The following CD163L1 variants were observed in gnomAD, a reference collection of about 807,000 sequenced individuals.
CD163L1 encodes scavenger receptor cysteine-rich type 1 protein M160.
In CD163L1, 124 loss-of-function variants were observed where a neutral mutation model predicts 165.4. That is an observed-to-expected ratio of 0.75 (90% CI 0.65 to 0.87). The LOEUF (loss-of-function observed/expected upper bound fraction) is 0.87, where lower values mean the gene tolerates loss of function less well. Ranked by LOEUF, CD163L1 falls within the 40% of genes least tolerant of loss-of-function variation. The pLI, the probability that CD163L1 is intolerant of heterozygous loss-of-function variation, is 0.00. For synonymous variants in CD163L1, 585 were observed against 662.2 expected (o/e 0.88, Z 1.79); for missense variants, 1,525 against 1,799.9 (o/e 0.85, Z 2.76).
chr12:7,414,200 T>C (rs1236682428), intron 4 of CD163L1, among the ~76,000 whole-genome samples: 1 of 152,006 alleles, frequency 6.6e-6, no homozygotes, highest in Non-Finnish European at 1.5e-5. Flanking sequence ...AAAGAGAACA[T>C]AGATAGGCAA....
the CD163L1 span, chr12:7,323,623 C>T: frequency 1.9e-5 from 27 of 1,425,286 alleles, no homozygotes; most frequent in East Asian, 1.4e-4. Context: ...TCATTTCCAC[C>T]GTGTCTTGCT....
In CD163L1 at chr12:7,375,859, A is replaced by G; in HGVS notation, c.2527T>C (p.Ser843Pro). 2 of 1,614,188 alleles carry G rather than the reference A, an allele frequency of 1.2e-6. No homozygotes were observed. The highest frequency in any genetic ancestry group is 1.7e-6 in the Non-Finnish European group (2 of 1,180,032). Residue 843 changes from serine (S) to proline (P), a missense_variant, in exon 10 of 20, where the codon TCT (serine) becomes CCT (proline). Coordinates refer to ENST00000313599, the MANE Select transcript of CD163L1 (RefSeq NM_174941.6). Reference protein sequence around the residue: ...CRELNCGDAISLSVGDHFGKG... With the variant: ...CRELNCGDAIPLSVGDHFGKG... ...CCAAAGTGATCTCCCACAGAAAGAG[A>G]TATGGCATCTCCACAGTTTAATTCT...
chr12:7,378,052 T>C (rs1947308775), intron 9 of CD163L1, among the ~76,000 whole-genome samples: 1 of 152,124 alleles, frequency 6.6e-6, no homozygotes, highest in African/African-American at 2.4e-5. Context: ...ACATACAAAA[T>C]TGGACTCATC....
downstream of CD163L1, among the ~76,000 whole-genome samples, chr12:7,351,016 A>T (rs969917772): frequency 5.9e-5 from 9 of 152,136 alleles, no homozygotes; most frequent in African/African-American, 1.9e-4. Context: ...TTGTTTCAAT[A>T]ATATTATTTG....
chr12:7,367,373 G>T, intron 17 of CD163L1, 42 bp from the exon 18 acceptor site: 1 of 1,338,294 alleles, frequency 7.5e-7, no homozygotes, highest in Non-Finnish European at 1.1e-6. Flanking sequence ...AATTCAAATG[G>T]CCTATCCCTT....
At chr12:7,429,971 C>T (rs185410885) in intron 4 of CD163L1, among the ~76,000 whole-genome samples, 1 of 152,316 alleles carries the variant, frequency 6.6e-6, no homozygotes, top group African/African-American at 2.4e-5. Flanking sequence ...CAACCTTCCT[C>T]ATTAAGTTAT....
In CD163L1 at chr12:7,369,445, T is replaced by C. The variant is rs370119256; in HGVS notation, c.3951A>G (p.Gly1317=). The change falls in exon 15 of 20, where the codon GGA becomes GGG. Residue 1317 remains glycine (G), a synonymous_variant. Coordinates refer to ENST00000313599, the MANE Select transcript of CD163L1 (RefSeq NM_174941.6). The surrounding 1 kb of genome is among the most constrained non-coding windows in gnomAD (Gnocchi z 4.9). ...TIWLDDMRCK[G]NESFLWDCHA... is the part of the protein sequence containing the mutation. ...GACAGTCCCATAGAAATGACTCATT[T>C]CCTTTGCACCGCATGTCATCCAACC... The C allele has an allele frequency of 6.2e-7, 1 of 1,614,160 alleles. No individual in the cohort carries two copies. Among genetic ancestry groups the C allele is most frequent in the Non-Finnish European group, 8.5e-7 (1 of 1,180,034 alleles).
intron 19 of CD163L1, among the ~76,000 whole-genome samples, chr12:7,355,807 T>C (rs772738079): frequency 3.3e-5 from 5 of 152,080 alleles, no homozygotes; most frequent in Non-Finnish European, 7.4e-5. Context: ...TCTGAGGGCA[T>C]AACAAGAAGA....
downstream of CD163L1, among the ~76,000 whole-genome samples, chr12:7,352,660 A>T (rs1946715547): frequency 6.6e-6 from 1 of 152,128 alleles, no homozygotes; most frequent in South Asian, 2.1e-4. Flanking sequence ...ACTAAGCTAG[A>T]CAGATAGAGG....
chr12:7,416,145 T>G (rs188545031), intron 4 of CD163L1, among the ~76,000 whole-genome samples: 12 of 152,334 alleles, frequency 7.9e-5, no homozygotes. Context: ...TATCTCATTG[T>G]GGTTTTGGTT....
intron 6 of CD163L1, among the ~76,000 whole-genome samples, chr12:7,399,240 CTTCT>C (rs1334983119): frequency 6.8e-6 from 1 of 147,314 alleles, no homozygotes; most frequent in African/African-American, 2.5e-5. Context: ...TTCTCTCATT[CTTCT>C]TTCTCTCTCT....
intron 4 of CD163L1, among the ~76,000 whole-genome samples, chr12:7,427,393 T>C (rs1330649839): frequency 3.3e-5 from 5 of 152,106 alleles, no homozygotes. Context: ...ATTAAAATAA[T>C]TAATATTGTT....
chr12:7,444,132 G>A lies in CD163L1; in HGVS notation c.-5C>T. 6.2e-7 allele frequency: 1 copy of A among 1,613,560 alleles called. No homozygotes were observed. Among genetic ancestry groups the A allele is most frequent in the Non-Finnish European group, 8.5e-7 (1 of 1,179,708 alleles). On this transcript the variant is annotated 5_prime_UTR_variant, in exon 1 of 20. Transcript: ENST00000313599. ...CGAGTTTTGAGGCAGCATCATTATG[G>A]GTCTATCTCTTCCTGAGTCCTGATG...
chr12:7,335,090 C>T, the CD163L1 span, among the ~76,000 whole-genome samples: 1 of 152,104 alleles, frequency 6.6e-6, no homozygotes, highest in African/African-American at 2.4e-5. Flanking sequence ...AGATTCAATG[C>T]CATCCCCATC....
intron 14 of CD163L1, 87 bp downstream of exon 14, chr12:7,373,233 G>A: frequency 8.9e-7 from 1 of 1,127,802 alleles, no homozygotes; most frequent in Non-Finnish European, 1.3e-6. Context: ...AGTCTGCCAT[G>A]TGCTCCTGAA....
chr12:7,373,623 G>A lies in CD163L1; in HGVS notation c.3427C>T (p.Leu1143Phe). The A allele has an allele frequency of 1.3e-6, 2 of 1,594,892 alleles. No homozygotes were observed. Among genetic ancestry groups the A allele is most frequent in the Non-Finnish European group, 1.7e-6 (2 of 1,168,108 alleles). ...VICSEFTALR[L>F]YSETETESCA... ...CTCTCTGTTTCAGTTTCACTGTAGA[G>A]CCTCAAGGCTGTGAATTCTACAGAG... is the stretch of plus-strand genomic sequence containing the variant. Residue 1143 changes from leucine (L) to phenylalanine (F), a missense_variant, in exon 14 of 20, where the codon CTC becomes TTC. By Grantham distance (22) the Leu-to-Phe change is conservative. Coordinates refer to ENST00000313599, the MANE Select transcript of CD163L1 (RefSeq NM_174941.6).
intron 4 of CD163L1, among the ~76,000 whole-genome samples, chr12:7,426,089 C>T (rs781158639): frequency 6.6e-6 from 1 of 152,298 alleles, no homozygotes; most frequent in African/African-American, 2.4e-5. Context: ...GGCACATATA[C>T]ACCATGGAAT....
intron 4 of CD163L1, among the ~76,000 whole-genome samples, chr12:7,409,402 C>CG (rs1027072135): frequency 2.6e-5 from 4 of 151,746 alleles, no homozygotes; most frequent in African/African-American, 9.7e-5. Context: ...CCACGGGGGT[C>CG]GGGGGGAATG....
At position 7,434,519 on chromosome 12, in the gene CD163L1, G is replaced by T. The variant is rs764674555; in HGVS notation, c.125-825C>A. On this transcript the variant is annotated intron_variant, in intron 2 of 19. Coordinates refer to ENST00000313599, the MANE Select transcript of CD163L1 (RefSeq NM_174941.6). Reference sequence around the variant, plus strand: ...ATTTAAATGGAAAACCAATGTGAAGGGAGAAAATTTTAAAGCAACCATGAG... The same window carrying T: ...ATTTAAATGGAAAACCAATGTGAAGTGAGAAAATTTTAAAGCAACCATGAG... Among the ~76,000 whole-genome samples the T allele has an allele frequency of 1.4e-4, 21 of 152,206 alleles. No individual in the cohort carries two copies. The East Asian group carries it at 3.5e-3, about 25-fold the overall frequency.
Sources: allele counts gnomAD v4.1 joint callset (sites outside exome capture counted in the v4.1 genomes callset), GRCh38; gene constraint gnomAD v4.1.1; non-coding constraint Gnocchi (gnomAD v3.1); transcripts MANE v1.5; gene names NCBI Gene and HGNC (gene_info 2026-07-23, HGNC 2026-07-21).